NIPSNAP3B: variants seen among roughly 807,000 people sequenced by gnomAD.
NIPSNAP3B encodes protein NipSnap homolog 3B.
NIPSNAP3B carries 30 observed loss-of-function variants against 31.5 expected under a neutral mutation model. The ratio of observed to expected loss-of-function variants is 0.95; its 90% CI spans 0.71 to 1.29. NIPSNAP3B has a LOEUF of 1.29. NIPSNAP3B is among the 50% of genes most tolerant of loss of function. NIPSNAP3B has a pLI of 0.00. For synonymous variants in NIPSNAP3B, 106 were observed against 107.9 expected (o/e 0.98, Z 0.11); for missense variants, 269 against 300.7 (o/e 0.89, Z 0.78).
Position 104,776,591 on chromosome 9 carries a change from C to A in NIPSNAP3B, c.*3518C>A, listed in dbSNP as rs563204523. Among the ~76,000 whole-genome samples, 2 of 152,200 alleles carry A rather than the reference C, an allele frequency of 1.3e-5. No individual in the cohort carries two copies. The highest frequency in any genetic ancestry group is 2.4e-5 in the African/African-American group (1 of 41,516). On this transcript the variant is annotated 3_prime_UTR_variant, in exon 6 of 6. Coordinates refer to ENST00000374762, the MANE Select transcript of NIPSNAP3B (RefSeq NM_018376.4). ...TGCTGGCACCCTGGTCTTAGACTTC[C>A]CAGCCACTAGATCTGTGAGAAAGAA...
In NIPSNAP3B at chr9:104,776,748, A is replaced by C. The variant is rs777075331; in HGVS notation, c.*3675A>C. Among the ~76,000 whole-genome samples the C allele has an allele frequency of 1.3e-5, 2 of 152,170 alleles. No individual in the cohort carries two copies. The highest frequency in any genetic ancestry group is 4.8e-5 in the African/African-American group (2 of 41,436). On this transcript the variant is annotated 3_prime_UTR_variant, in exon 6 of 6. Transcript: ENST00000374762. ...ATGTTTTACTTATATATGATTTGTT[A>C]ATGTATGTCTCTTCCCACTAGAAAC...
intron 4 of NIPSNAP3B, 35 bp from the exon 5 acceptor site, chr9:104,772,787 A>T (rs1172871142): frequency 6.3e-7 from 1 of 1,594,506 alleles, no homozygotes; most frequent in Non-Finnish European, 8.6e-7. Context: ...CTATTGCCAT[A>T]TATTTCAGAA....
chr9:104,785,283 A>C, the NIPSNAP3B span: 1 of 1,395,460 alleles, frequency 7.2e-7, no homozygotes, highest in Non-Finnish European at 9.9e-7. Context: ...ATAGTAGATC[A>C]GGAATTCAAG....
At chr9:104,765,287 G>A (rs542203769) in intron 1 of NIPSNAP3B, among the ~76,000 whole-genome samples, 1 of 152,316 alleles carries the variant, frequency 6.6e-6, no homozygotes, top group South Asian at 2.1e-4. Flanking sequence ...GATGCCTACT[G>A]AAACTGTTGC....
At chr9:104,784,136 CT>C in the NIPSNAP3B span, 2 of 730,712 alleles carry the variant, frequency 2.7e-6, no homozygotes, top group East Asian at 5.4e-5. Flanking sequence ...GGCACTGCCC[CT>C]GTAATGGAAT....
chr9:104,771,133 A>AT, intron 4 of NIPSNAP3B, 135 bp downstream of exon 4: 1 of 689,800 alleles, frequency 1.4e-6, no homozygotes, highest in Non-Finnish European at 2.4e-6. Context: ...GAAAAAATCT[A>AT]TAAGCATCTT....
downstream of NIPSNAP3B, chr9:104,782,551 A>T (rs1211593597): frequency 6.6e-6 from 1 of 152,174 alleles, no homozygotes; most frequent in African/African-American, 2.4e-5. Flanking sequence ...ATTTTTACAA[A>T]TGTTTACTGA....
At chr9:104,789,780 T>C in the NIPSNAP3B span, among the ~76,000 whole-genome samples, 6,441 of 150,540 alleles carry the variant, frequency 0.043, 401 homozygotes, top group African/African-American at 0.14. Context: ...GCCACTGCCT[T>C]GTACTATCTC....
At chr9:104,771,394 G>C (rs575991474) in intron 4 of NIPSNAP3B, 1 of 155,132 alleles carries the variant, frequency 6.4e-6, no homozygotes, top group Non-Finnish European at 1.4e-5. Flanking sequence ...GTAGACCCCA[G>C]TGTCTGTTGT....
downstream of NIPSNAP3B, among the ~76,000 whole-genome samples, chr9:104,778,334 G>A (rs892730137): frequency 1.3e-4 from 20 of 152,014 alleles, no homozygotes; most frequent in African/African-American, 4.6e-4. Flanking sequence ...AGGTGCAAGC[G>A]ATTCTCTTGT....
At position 104,772,825 on chromosome 9, in the gene NIPSNAP3B, A is replaced by T; in HGVS notation, c.584A>T (p.His195Leu). ...HTEYGELNRVHVLWWNESADS... is the reference protein window; with the variant it reads ...HTEYGELNRVLVLWWNESADS... ...TACTTGTGGTTTATTTCTGCAGTTC[A>T]TGTTCTTTGGTGGAATGAGAGTGCA... Residue 195 changes from histidine to leucine, a missense_variant, in exon 5 of 6, where the codon CAT becomes CTT. Physicochemically the swap from His to Leu is moderately conservative, Grantham distance 99. Coordinates refer to ENST00000374762, the MANE Select transcript of NIPSNAP3B (RefSeq NM_018376.4). 6.2e-7 allele frequency: 1 copy of T among 1,612,352 alleles called. No homozygotes were observed. Among genetic ancestry groups the T allele is most frequent in the South Asian group, 1.1e-5 (1 of 90,740 alleles).
rs1319480568 is a variant in NIPSNAP3B at position 104,764,190 on chromosome 9, A to C, written c.-51A>C. The C allele has an allele frequency of 6.5e-7, 1 of 1,536,802 alleles. No individual in the cohort carries two copies. The highest frequency in any genetic ancestry group is 8.9e-7 in the Non-Finnish European group (1 of 1,128,854). On this transcript the variant is annotated 5_prime_UTR_variant, in exon 1 of 6. Coordinates refer to ENST00000374762, the MANE Select transcript of NIPSNAP3B (RefSeq NM_018376.4). ...TTTCCACTCGGGAAGACTTCAGAGAAGTCTCACAAAGGACTCGGCTGGCTG... is the reference window on the plus strand; with the variant it reads ...TTTCCACTCGGGAAGACTTCAGAGACGTCTCACAAAGGACTCGGCTGGCTG...
At chr9:104,779,960 G>A (rs893586191), downstream of NIPSNAP3B, among the ~76,000 whole-genome samples, 10 of 152,310 alleles carry the variant, frequency 6.6e-5, no homozygotes, top group African/African-American at 2.2e-4. Flanking sequence ...CCGGGAGGCG[G>A]AGGTTGCAGT....
chr9:104,769,066 C>G (rs1828150570), intron 3 of NIPSNAP3B, 45 bp downstream of exon 3: 1 of 1,431,904 alleles, frequency 7.0e-7, no homozygotes, highest in Non-Finnish European at 9.6e-7. Context: ...GAGTAAAATA[C>G]TAAAGACCTA....
Position 104,766,595 on chromosome 9 carries a change from A to G in NIPSNAP3B, c.271+60A>G. 4 of 1,489,814 alleles carry G rather than the reference A, an allele frequency of 2.7e-6. No homozygotes were observed. In the Admixed American group the frequency reaches 6.7e-5, roughly 25 times the overall value. 92.3% of individuals were successfully genotyped at this position (1,489,814 alleles called of 1,614,324 possible). A position where few individuals can be genotyped will look rare whatever the true frequency, so the allele number is the denominator to read the frequency against. On this transcript the variant is annotated intron_variant, in intron 2 of 5. Coordinates refer to ENST00000374762, the MANE Select transcript of NIPSNAP3B (RefSeq NM_018376.4). ...ATTTTCATTCTGTTAAATGTAACATAAGACTTAGTTCTTGGATCTATATTA... is the reference window on the plus strand; with the variant it reads ...ATTTTCATTCTGTTAAATGTAACATGAGACTTAGTTCTTGGATCTATATTA...
chr9:104,768,878 G>T lies in NIPSNAP3B; in HGVS notation c.287G>T (p.Arg96Leu). The T allele has an allele frequency of 6.2e-7, 1 of 1,602,930 alleles. No individual in the cohort carries two copies. The highest frequency in any genetic ancestry group is 8.5e-7 in the Non-Finnish European group (1 of 1,175,206). Residue 96 changes from arginine (R) to leucine (L), a missense_variant, in exon 3 of 6, where the codon CGA becomes CTA. By Grantham distance (102) the Arg-to-Leu change is moderately radical (BLOSUM62 -2). Coordinates refer to ENST00000374762, the MANE Select transcript of NIPSNAP3B (RefSeq NM_018376.4). ...HIWKYDNFAH[R>L]AEVRKALANC... ...CCTCCCATAGATAATTTTGCTCATC[G>T]AGCTGAAGTTCGGAAAGCCTTAGCC...
downstream of NIPSNAP3B, chr9:104,781,286 T>C (rs181614282): frequency 4.1e-4 from 62 of 152,668 alleles, no homozygotes; most frequent in Non-Finnish European, 3.1e-4. Context: ...AGCTTCATCT[T>C]AGGGTATAAG....
chr9:104,785,433 A>G, the NIPSNAP3B span: 1 of 1,614,092 alleles, frequency 6.2e-7, no homozygotes, highest in Non-Finnish European at 8.5e-7. Context: ...GTAGTCTTCT[A>G]TGTGGAGTCG....
At position 104,765,473 on chromosome 9, in the gene NIPSNAP3B, G is replaced by T. The variant is rs1828068892; in HGVS notation, c.61-852G>T. Among the ~76,000 whole-genome samples the T allele has an allele frequency of 2.0e-5, 3 of 152,182 alleles. No homozygotes were observed. In the South Asian group the frequency reaches 6.2e-4, roughly 32 times the overall value. On this transcript the variant is annotated intron_variant, in intron 1 of 5. Coordinates refer to ENST00000374762, the MANE Select transcript of NIPSNAP3B (RefSeq NM_018376.4). ...CTGGATAATTTCTGACAGGGCATTTGCTACTGAACATTAAGCTCACTCAGG... is the reference window on the plus strand; with the variant it reads ...CTGGATAATTTCTGACAGGGCATTTTCTACTGAACATTAAGCTCACTCAGG...
Sources: gnomAD v4.1 joint callset for allele counts (sites outside exome capture counted in the v4.1 genomes callset) on GRCh38, gnomAD v4.1.1 for gene constraint, MANE v1.5 for transcripts, NCBI Gene and HGNC (gene_info 2026-07-23, HGNC 2026-07-21) for gene names.